The following TMPRSS15 variants were observed in gnomAD, a reference collection of about 807,000 sequenced individuals.
The protein encoded by TMPRSS15 is enteropeptidase.
TMPRSS15 carries 128 observed loss-of-function variants against 125.3 expected under a neutral mutation model. The ratio of observed to expected loss-of-function variants is 1.02; its 90% confidence interval spans 0.89 to 1.18. The LOEUF (loss-of-function observed/expected upper bound fraction) is 1.18, where lower values mean the gene tolerates loss of function less well. TMPRSS15 is among the 50% of genes most tolerant of loss of function. The pLI is 0.00. For missense variants in TMPRSS15, 1,283 were observed against 1,212.7 expected (o/e 1.06, Z -0.86); for synonymous variants, 446 against 423.2 (o/e 1.05, Z -0.66).
At chr21:18,319,623 T>C (rs1253951037) in intron 16 of TMPRSS15, among the ~76,000 whole-genome samples, 1 of 152,056 alleles carries the variant, frequency 6.6e-6, no homozygotes, top group Non-Finnish European at 1.5e-5. Context: ...AGACGGGGTT[T>C]TCTCAATGTT....
chr21:18,271,497 C>CTGA (rs1333246716), intron 24 of TMPRSS15, among the ~76,000 whole-genome samples: 1 of 152,172 alleles, frequency 6.6e-6, no homozygotes, highest in Non-Finnish European at 1.5e-5. Flanking sequence ...GGTGGTCTAC[C>CTGA]TGATTGGGAG....
rs140467142 is a variant in TMPRSS15 at position 18,330,150 on chromosome 21, T to C, written c.1655-856A>G. Among the ~76,000 whole-genome samples, 722 of 152,284 alleles carry C rather than the reference T, an allele frequency of 4.7e-3. 7 individuals are homozygous for C. The highest frequency in any genetic ancestry group is 0.017 in the African/African-American group (701 of 41,564). On this transcript the variant is annotated intron_variant, in intron 14 of 24. Coordinates refer to ENST00000284885, the MANE Select transcript of TMPRSS15 (RefSeq NM_002772.3). ...AACCTCAGCACCTTCCTTGACCTCC[T>C]TTCTCCTACCACATCCGATCAATCA...
rs548394364 is a variant in TMPRSS15 at position 18,312,815 on chromosome 21, T to C, written c.2165+130A>G. 7.4e-6 allele frequency: 9 copies of C among 1,215,492 alleles called. No homozygotes were observed. In the East Asian group the frequency reaches 2.3e-4, roughly 31 times the overall value. 75.3% of individuals were successfully genotyped at this position (1,215,492 alleles called of 1,614,324 possible). A position where few individuals can be genotyped will look rare whatever the true frequency, so the allele number is the denominator to read the frequency against. On this transcript the variant is annotated intron_variant, in intron 18 of 24. Coordinates refer to ENST00000284885, the MANE Select transcript of TMPRSS15 (RefSeq NM_002772.3). ...ATGGGGTTAATCAAGATTTTTATTTTCTCCCTTTTGCTAATGTGTATTTTC... is the reference window on the plus strand; with the variant it reads ...ATGGGGTTAATCAAGATTTTTATTTCCTCCCTTTTGCTAATGTGTATTTTC...
chr21:18,450,736 C>T (rs1357854848), intron 1 of TMPRSS15, among the ~76,000 whole-genome samples: 1 of 152,138 alleles, frequency 6.6e-6, no homozygotes, highest in African/African-American at 2.4e-5. Context: ...CTGGAATGCC[C>T]TTGTGTCAGC....
chr21:18,326,161 G>T (rs1185926729), intron 16 of TMPRSS15, among the ~76,000 whole-genome samples: 1 of 152,012 alleles, frequency 6.6e-6, no homozygotes, highest in Non-Finnish European at 1.5e-5. Context: ...ATTTAACATG[G>T]CCCTCTTCAA....
chr21:18,485,061 T>C (rs745985125), intron 1 of TMPRSS15, among the ~76,000 whole-genome samples: 2 of 151,940 alleles, frequency 1.3e-5, no homozygotes, highest in Non-Finnish European at 2.9e-5. Context: ...TTTTAATGTT[T>C]TAATATAGTT....
chr21:18,336,545 T>C (rs1258975691), intron 13 of TMPRSS15, among the ~76,000 whole-genome samples: 1 of 152,232 alleles, frequency 6.6e-6, no homozygotes, highest in Admixed American at 6.5e-5. Context: ...CTGATATAAA[T>C]ATTTTTATTA....
Position 18,294,395 on chromosome 21 carries a change from T to C in TMPRSS15, c.2361A>G (p.Gly787=), listed in dbSNP as rs201247305. 54 of 1,614,264 alleles carry C rather than the reference T, an allele frequency of 3.3e-5. No homozygotes were observed. The highest frequency in any genetic ancestry group is 3.6e-5 in the Non-Finnish European group (42 of 1,180,036). The part of the protein sequence containing the change: ...AAQDITPKIV[G]GSNAKEGAWP... ...AGGCCCCTTCTTTGGCATTACTTCC[T>C]CCAACAATCTTTGGGGTGATGTCTT... Residue 787 remains glycine, a synonymous_variant, in exon 21 of 25, where the codon GGA becomes GGG. Transcript: ENST00000284885.
chr21:18,312,975 G>C lies in TMPRSS15; in HGVS notation c.2135C>G (p.Ser712Ter), dbSNP rs77200626. Reference protein sequence around the residue: ...ACAENWTTQISNDVCQLLGLG... With the variant: ...ACAENWTTQI ...TCCCAGCAGTTGACAAACATCATTT[G>C]AAATCTGGGTGGTCCAGTTCTCAGC... The change falls in exon 18 of 25, where the codon TCA (serine) becomes TGA (stop). Residue 712 changes from serine (S) to a stop codon, truncating the protein, a stop_gained. Coordinates refer to ENST00000284885, the MANE Select transcript of TMPRSS15 (RefSeq NM_002772.3). LOFTEE classifies it high-confidence loss of function. 1.3e-3 allele frequency: 2,149 copies of C among 1,613,954 alleles called. 2 individuals are homozygous for C. Among genetic ancestry groups the C allele is most frequent in the Non-Finnish European group, 1.7e-3 (2,035 of 1,179,884 alleles).
chr21:18,359,084 C>G (rs994056285), intron 8 of TMPRSS15, among the ~76,000 whole-genome samples: 1 of 151,934 alleles, frequency 6.6e-6, no homozygotes, highest in Admixed American at 6.6e-5. Context: ...ACTTTATTTC[C>G]CCGTGGAATT....
chr21:18,400,215 T>TA (rs991885799), intron 1 of TMPRSS15, among the ~76,000 whole-genome samples: 5 of 152,018 alleles, frequency 3.3e-5, no homozygotes, highest in African/African-American at 1.2e-4. Flanking sequence ...CATAAAATCA[T>TA]AAAAAATGAT....
At chr21:18,293,201 A>C (rs545966084) in intron 21 of TMPRSS15, among the ~76,000 whole-genome samples, 7 of 152,190 alleles carry the variant, frequency 4.6e-5, no homozygotes, top group African/African-American at 1.7e-4. Flanking sequence ...AAATTTTCAC[A>C]ATCTCTGTGT....
At chr21:18,366,013 G>C (rs1279548061) in intron 6 of TMPRSS15, among the ~76,000 whole-genome samples, 2 of 152,056 alleles carry the variant, frequency 1.3e-5, no homozygotes. Context: ...GGGATTACAG[G>C]CGTGAGCCAC....
At chr21:18,418,905 T>C (rs1395212294) in intron 1 of TMPRSS15, among the ~76,000 whole-genome samples, 2 of 152,188 alleles carry the variant, frequency 1.3e-5, no homozygotes, top group Non-Finnish European at 2.9e-5. Flanking sequence ...GATTGCCTCA[T>C]TAAAAAATGC....
intron 16 of TMPRSS15, among the ~76,000 whole-genome samples, chr21:18,323,671 G>A (rs1483893511): frequency 6.6e-6 from 1 of 151,832 alleles, no homozygotes; most frequent in African/African-American, 2.4e-5. Context: ...AATTACTTCA[G>A]GTTTTACTAT....
chr21:18,455,452 A>T (rs558299057), intron 1 of TMPRSS15, among the ~76,000 whole-genome samples: 3 of 152,206 alleles, frequency 2.0e-5, no homozygotes, highest in Admixed American at 2.0e-4. Context: ...GTTACATGAA[A>T]AACATATCTG....
chr21:18,466,740 T>A (rs1004370676), intron 1 of TMPRSS15, among the ~76,000 whole-genome samples: 12 of 151,990 alleles, frequency 7.9e-5, no homozygotes, highest in Non-Finnish European at 1.6e-4. Context: ...AGAATGGTGA[T>A]CATTAAAGTC....
chr21:18,269,972 AT>A lies in TMPRSS15; in HGVS notation c.3056del (p.His1019LeufsTer32). ...RFTEWIQSFL[H>X] ...CCTGTTTAGTTTAAGAAATGCGCTA[AT>A]GTAGAAAACTTTGTATCCATTCGGT... On this transcript the variant is annotated frameshift_variant, in exon 25 of 25. Coordinates refer to ENST00000284885, the MANE Select transcript of TMPRSS15 (RefSeq NM_002772.3). LOFTEE classifies it high-confidence loss of function. 6.2e-7 allele frequency: 1 copy of A among 1,613,796 alleles called. No individual in the cohort carries two copies. The highest frequency in any genetic ancestry group is 8.5e-7 in the Non-Finnish European group (1 of 1,179,762).
chr21:18,328,081 G>A (rs1424679400), intron 15 of TMPRSS15, among the ~76,000 whole-genome samples: 1 of 151,762 alleles, frequency 6.6e-6, no homozygotes, highest in Non-Finnish European at 1.5e-5. Context: ...AAAAAATAGT[G>A]GTAGTTAGAT....
Sources: allele counts gnomAD v4.1 joint callset (sites outside exome capture counted in the v4.1 genomes callset), GRCh38; gene constraint gnomAD v4.1.1; transcripts MANE v1.5; gene names NCBI Gene and HGNC (gene_info 2026-07-23, HGNC 2026-07-21).